The following TBC1D8 variants were observed in gnomAD, a reference collection of about 807,000 sequenced individuals.
TBC1D8 encodes TBC1 domain family member 8, also known as BUB2-like protein 1.
In TBC1D8, 65 loss-of-function variants were observed where a neutral mutation model predicts 118.8. The observed-to-expected ratio is 0.55, with a 90% CI of 0.45 to 0.67. TBC1D8 has a LOEUF of 0.67. Ranked by LOEUF, TBC1D8 falls within the 30% of genes least tolerant of loss-of-function variation. The pLI is 0.00. For missense variants in TBC1D8, 1,376 were observed against 1,471.2 expected, an observed-to-expected ratio of 0.94 and a Z score of 1.06; for synonymous variants, 566 against 595.8, an observed-to-expected ratio of 0.95 and a Z score of 0.73.
Position 101,040,329 on chromosome 2 carries a change from C to T in TBC1D8, c.929G>A (p.Arg310Lys). 6.2e-7 allele frequency: 1 copy of T among 1,613,694 alleles called. No individual in the cohort carries two copies. Among genetic ancestry groups the T allele is most frequent in the Non-Finnish European group, 8.5e-7 (1 of 1,179,746 alleles). ...CACAACCGCGTGCAGCTTCTCCTTC[C>T]TCGGCAACCTGAAGAAAGCCCGGAA... ...EFFRAFFRLP[R>K]KEKLHAVVDC... The change falls in exon 6 of 20, where the codon AGG becomes AAG. Residue 310 changes from arginine to lysine, a missense_variant. Coordinates refer to ENST00000409318, the MANE Select transcript of TBC1D8 (RefSeq NM_001330348.2).
chr2:101,101,208 T>C (rs1676805117), intron 1 of TBC1D8, among the ~76,000 whole-genome samples: 1 of 151,862 alleles, frequency 6.6e-6, no homozygotes, highest in Non-Finnish European at 1.5e-5. Context: ...AAGAAAAAGC[T>C]AAATAACTCC....
intron 2 of TBC1D8, among the ~76,000 whole-genome samples, chr2:101,077,133 C>T (rs1436192902): frequency 6.6e-6 from 1 of 152,020 alleles, no homozygotes; most frequent in Non-Finnish European, 1.5e-5. Context: ...ACGCCATTCT[C>T]CTGCCTCAGC....
intron 1 of TBC1D8, among the ~76,000 whole-genome samples, chr2:101,150,844 T>C (rs987424774): frequency 1.3e-5 from 2 of 151,928 alleles, no homozygotes; most frequent in African/African-American, 2.4e-5. Flanking sequence ...TCTCCTTCGA[T>C]TCCCAAGTCG....
rs563946482 is a variant in TBC1D8 at position 101,093,384 on chromosome 2, T to A, written c.128-3020A>T. 6.6e-5 allele frequency among the ~76,000 whole-genome samples: 10 copies of A among 152,280 alleles called. No homozygotes were observed. In the South Asian group the frequency reaches 8.3e-4, roughly 13 times the overall value. ...ACTTACATACACACACACATATACA[T>A]GTATTTGTTGACACATTTACATGTA... On this transcript the variant is annotated intron_variant, in intron 1 of 19. Transcript: ENST00000409318.
At chr2:101,086,896 G>A (rs867322887) in intron 2 of TBC1D8, among the ~76,000 whole-genome samples, 1 of 152,180 alleles carries the variant, frequency 6.6e-6, no homozygotes, top group Non-Finnish European at 1.5e-5. Flanking sequence ...CGATTCTCCT[G>A]CCTCAGCTTC....
intron 1 of TBC1D8, among the ~76,000 whole-genome samples, chr2:101,130,989 C>T (rs781189842): frequency 4.6e-5 from 7 of 152,258 alleles, no homozygotes; most frequent in Non-Finnish European, 1.0e-4. Context: ...CCCTCATACA[C>T]ATCAAATAAT....
intron 5 of TBC1D8, among the ~76,000 whole-genome samples, chr2:101,045,250 A>C (rs1681625510): frequency 6.6e-6 from 1 of 152,246 alleles, no homozygotes; most frequent in African/African-American, 2.4e-5. Context: ...GGACCCAAGA[A>C]GGTATGTATT....
chr2:101,116,137 T>C lies in TBC1D8; in HGVS notation c.128-25773A>G, dbSNP rs959042142. 2.0e-5 allele frequency among the ~76,000 whole-genome samples: 3 copies of C among 152,200 alleles called. No homozygotes were observed. In the East Asian group the frequency reaches 5.8e-4, roughly 29 times the overall value. On this transcript the variant is annotated intron_variant, in intron 1 of 19. Coordinates refer to ENST00000409318, the MANE Select transcript of TBC1D8 (RefSeq NM_001330348.2). ...CCCTCAACAAATCAAACCAACTTCATGTTTCCAAGTTTCTTTCTGGTAATG... is the reference window on the plus strand; with the variant it reads ...CCCTCAACAAATCAAACCAACTTCACGTTTCCAAGTTTCTTTCTGGTAATG...
intron 5 of TBC1D8, among the ~76,000 whole-genome samples, chr2:101,047,822 C>T (rs988725437): frequency 2.0e-5 from 3 of 152,196 alleles, no homozygotes; most frequent in African/African-American, 7.2e-5. Flanking sequence ...GTAGAATCTC[C>T]TTGAATTCTG....
intron 5 of TBC1D8, among the ~76,000 whole-genome samples, chr2:101,047,270 A>C (rs1304186528): frequency 6.6e-6 from 1 of 152,174 alleles, no homozygotes; most frequent in Admixed American, 6.5e-5. Flanking sequence ...CCCTGCTCCC[A>C]GGGGAGCTAC....
intron 18 of TBC1D8, 35 bp downstream of exon 18, chr2:101,011,416 T>C (rs1209655485): frequency 1.9e-6 from 3 of 1,608,518 alleles, no homozygotes; most frequent in East Asian, 2.2e-5. Flanking sequence ...TGCAGTGGTA[T>C]GCAGGGGAAA....
chr2:101,118,442 A>T (rs1202793860), intron 1 of TBC1D8, among the ~76,000 whole-genome samples: 1 of 152,188 alleles, frequency 6.6e-6, no homozygotes, highest in Non-Finnish European at 1.5e-5. Context: ...CATGCCTGTA[A>T]TCCCAGCACT....
intron 1 of TBC1D8, among the ~76,000 whole-genome samples, chr2:101,097,285 C>A (rs1157716155): frequency 6.6e-6 from 1 of 151,968 alleles, no homozygotes; most frequent in Non-Finnish European, 1.5e-5. Context: ...TAATTTCCAG[C>A]AGACCTAATT....
intron 6 of TBC1D8, 75 bp downstream of exon 6, chr2:101,040,103 C>G: frequency 6.5e-7 from 1 of 1,528,012 alleles, no homozygotes; most frequent in Middle Eastern, 1.8e-4. Context: ...CTCCCACACT[C>G]CATCTCACAG....
At chr2:101,088,533 G>A (rs1224521175) in intron 2 of TBC1D8, among the ~76,000 whole-genome samples, 1 of 151,930 alleles carries the variant, frequency 6.6e-6, no homozygotes, top group Non-Finnish European at 1.5e-5. Flanking sequence ...TGATCCACCC[G>A]CCTGGGCCTC....
At chr2:101,056,660 T>C (rs891702798) in intron 3 of TBC1D8, among the ~76,000 whole-genome samples, 1 of 152,144 alleles carries the variant, frequency 6.6e-6, no homozygotes, top group Admixed American at 6.5e-5. Context: ...ATATCTAATA[T>C]ATAATGAGTG....
At chr2:101,084,283 T>G (rs1409046951) in intron 2 of TBC1D8, among the ~76,000 whole-genome samples, 2 of 152,194 alleles carry the variant, frequency 1.3e-5, no homozygotes, top group African/African-American at 4.8e-5. Context: ...GTGCAGTGGC[T>G]CATGCCTGTA....
At chr2:101,059,053 C>T (rs1207841352) in intron 3 of TBC1D8, among the ~76,000 whole-genome samples, 1 of 151,936 alleles carries the variant, frequency 6.6e-6, no homozygotes, top group East Asian at 1.9e-4. Context: ...TACAGGTGCC[C>T]GCCACCATGC....
intron 15 of TBC1D8, chr2:101,023,682 C>A: frequency 2.4e-6 from 1 of 410,636 alleles, no homozygotes; most frequent in African/African-American, 2.2e-5. Context: ...ACAAAACCGG[C>A]CCCATCGCTG....
Sources: allele counts gnomAD v4.1 joint callset (sites outside exome capture counted in the v4.1 genomes callset), GRCh38; gene constraint gnomAD v4.1.1; transcripts MANE v1.5; gene names NCBI Gene and HGNC (gene_info 2026-07-23, HGNC 2026-07-21).